The following TMEM232 variants were observed in gnomAD, a reference collection of about 807,000 sequenced individuals.
TMEM232 encodes transmembrane protein 232.
Under a neutral mutation model 78.8 loss-of-function variants are expected in TMEM232, and 80 were observed. The observed-to-expected ratio is 1.01, with a 90% CI of 0.85 to 1.22. The LOEUF (loss-of-function observed/expected upper bound fraction) is 1.22, where lower values mean the gene tolerates loss of function less well. TMEM232 is among the 50% of genes most tolerant of loss of function. The pLI, the probability that TMEM232 is intolerant of heterozygous loss-of-function variation, is 0.00. For missense variants in TMEM232, 881 were observed against 742.2 expected, an observed-to-expected ratio of 1.19 and a Z score of -2.17; for synonymous variants, 297 against 254.3, an observed-to-expected ratio of 1.17 and a Z score of -1.60.
intron 12 of TMEM232, among the ~76,000 whole-genome samples, chr5:110,494,318 AT>A (rs1765424404): frequency 6.6e-6 from 1 of 152,190 alleles, no homozygotes; most frequent in African/African-American, 2.4e-5. Flanking sequence ...AATGAAAAGA[AT>A]AGATATTCCA....
intron 12 of TMEM232, among the ~76,000 whole-genome samples, chr5:110,488,155 CA>C (rs1467637763): frequency 6.6e-6 from 1 of 151,996 alleles, no homozygotes; most frequent in African/African-American, 2.4e-5. Flanking sequence ...GTGTTCATTG[CA>C]GCCTTGAATG....
chr5:110,399,331 C>T (rs1755506016), intron 2 of TMEM232, among the ~76,000 whole-genome samples: 3 of 152,068 alleles, frequency 2.0e-5, no homozygotes, highest in South Asian at 4.1e-4. Flanking sequence ...TGTGCATGAG[C>T]CTTCAGAGCT....
chr5:110,592,138 T>C (rs980558750), intron 10 of TMEM232, among the ~76,000 whole-genome samples: 1 of 152,130 alleles, frequency 6.6e-6, no homozygotes, highest in Admixed American at 6.6e-5. Context: ...TACTTGACAA[T>C]GTATTTGTCA....
intron 5 of TMEM232, among the ~76,000 whole-genome samples, 200 bp downstream of exon 5, chr5:110,637,998 T>G (rs925356213): frequency 1.3e-5 from 2 of 152,108 alleles, no homozygotes; most frequent in Admixed American, 1.3e-4. Context: ...GTTTGTGACA[T>G]TATATTTTCT....
chr5:110,438,548 T>C (rs1165038764), intron 12 of TMEM232, among the ~76,000 whole-genome samples: 5 of 152,044 alleles, frequency 3.3e-5, no homozygotes, highest in Admixed American at 3.3e-4. Context: ...TTTTATTTTC[T>C]ATATTATTTA....
chr5:110,548,027 CA>C (rs1773995377), intron 11 of TMEM232, among the ~76,000 whole-genome samples: 1 of 139,866 alleles, frequency 7.1e-6, no homozygotes, highest in African/African-American at 2.7e-5. Flanking sequence ...AAGCAAAAAG[CA>C]AATAAATGAA....
chr5:110,646,168 G>A (rs1481820312), intron 2 of TMEM232, among the ~76,000 whole-genome samples: 2 of 151,638 alleles, frequency 1.3e-5, no homozygotes, highest in African/African-American at 4.8e-5. Flanking sequence ...ATTACCCAAA[G>A]AGATCTAAGA....
At chr5:110,494,116 T>G (rs1327610736) in intron 12 of TMEM232, among the ~76,000 whole-genome samples, 1 of 152,110 alleles carries the variant, frequency 6.6e-6, no homozygotes, top group Non-Finnish European at 1.5e-5. Context: ...TATGGCTGCA[T>G]AGTATTCCAT....
chr5:110,726,011 GA>G (rs1798110634), intron 1 of TMEM232, among the ~76,000 whole-genome samples: 2 of 151,598 alleles, frequency 1.3e-5, no homozygotes, highest in Admixed American at 6.6e-5. Context: ...TCCCCTCCTA[GA>G]AATTTTTCTA....
At chr5:110,496,038 T>C (rs1765602962) in intron 12 of TMEM232, among the ~76,000 whole-genome samples, 1 of 151,830 alleles carries the variant, frequency 6.6e-6, no homozygotes, top group South Asian at 2.1e-4. Context: ...TATAATTCAA[T>C]CCTGTAATTT....
intron 8 of TMEM232, among the ~76,000 whole-genome samples, chr5:110,608,152 T>C (rs1781740993): frequency 6.6e-6 from 1 of 151,950 alleles, no homozygotes; most frequent in Non-Finnish European, 1.5e-5. Flanking sequence ...GCATATGTTA[T>C]AGGGCAATTT....
chr5:110,431,377 T>TTTAAC (rs1414774331), intron 12 of TMEM232, among the ~76,000 whole-genome samples: 1 of 148,606 alleles, frequency 6.7e-6, no homozygotes, highest in Non-Finnish European at 1.5e-5. Flanking sequence ...CACATGTAGA[T>TTTAAC]TTAACTTAAA....
At chr5:110,406,999 TA>T (rs1382685977) in intron 2 of TMEM232, among the ~76,000 whole-genome samples, 1 of 151,954 alleles carries the variant, frequency 6.6e-6, no homozygotes, top group Non-Finnish European at 1.5e-5. Flanking sequence ...ATAGATTCAC[TA>T]AAAATAACAG....
At chr5:110,515,630 C>T (rs1039975738) in intron 12 of TMEM232, among the ~76,000 whole-genome samples, 2 of 152,218 alleles carry the variant, frequency 1.3e-5, no homozygotes, top group African/African-American at 4.8e-5. Context: ...CCATGTACTT[C>T]TTTCTGCTAA....
At chr5:110,446,921 GGT>G (rs1172276050) in intron 12 of TMEM232, among the ~76,000 whole-genome samples, 1 of 151,682 alleles carries the variant, frequency 6.6e-6, no homozygotes, top group African/African-American at 2.4e-5. Flanking sequence ...TGTTCTATGT[GGT>G]GATCTTTAGT....
intron 8 of TMEM232, chr5:110,617,839 CA>C: frequency 6.9e-6 from 1 of 143,952 alleles, no homozygotes; most frequent in Non-Finnish European, 1.5e-5. Flanking sequence ...AACAAACAAA[CA>C]AAACACCTAC....
intron 1 of TMEM232, among the ~76,000 whole-genome samples, chr5:110,706,329 A>G (rs1054828512): frequency 1.3e-5 from 2 of 152,246 alleles, no homozygotes; most frequent in Non-Finnish European, 2.9e-5. Flanking sequence ...ATCAAAATGT[A>G]TGTTCTTTTC....
At chr5:110,728,071 G>C (rs1239014751), upstream of TMEM232, among the ~76,000 whole-genome samples, 1 of 151,838 alleles carries the variant, frequency 6.6e-6, no homozygotes, top group East Asian at 1.9e-4. Context: ...GAATTAAAAA[G>C]GAATAAAAGG....
At chr5:110,625,552 T>G (rs1784322533) in intron 6 of TMEM232, 119 bp from the exon 7 acceptor site, 2 of 914,156 alleles carry the variant, frequency 2.2e-6, no homozygotes, top group Non-Finnish European at 3.0e-6. Flanking sequence ...AAACTGCTAG[T>G]TTCCTATTTA....
Sources: gnomAD v4.1 joint callset for allele counts (sites outside exome capture counted in the v4.1 genomes callset) on GRCh38, gnomAD v4.1.1 for gene constraint, MANE v1.5 for transcripts, NCBI Gene and HGNC (gene_info 2026-07-23, HGNC 2026-07-21) for gene names.